Variants in CELF2 observed in about 807,000 individuals in gnomAD.
CELF2 encodes the protein CUG triplet repeat RNA-binding protein 2.
In CELF2, 8 loss-of-function variants were observed where a neutral mutation model predicts 62.6. The ratio of observed to expected loss-of-function variants is 0.13; its 90% CI spans 0.07 to 0.23. The LOEUF is 0.23. CELF2 is among the 10% of genes least tolerant of loss of function. The pLI, the probability that CELF2 is intolerant of heterozygous loss-of-function variation, is 1.00. For synonymous variants in CELF2, 258 were observed against 250.0 expected (o/e 1.03, Z -0.30); for missense variants, 333 against 671.0 (o/e 0.50, Z 5.56).
rs2074562305 is a variant in CELF2 at position 11,243,304 on chromosome 10, G to A, written c.355-5849G>A. ...GTTTTTAAACAAATAGGGCTAAATA[G>A]AGACCAAGAAGTTAACCATGTACCT... On this transcript the variant is annotated intron_variant, in intron 3 of 12. Coordinates refer to ENST00000633077, the MANE Select transcript of CELF2 (RefSeq NM_001326342.2). The surrounding 1 kb of genome is among the most constrained non-coding windows in gnomAD (Gnocchi z 4.1). Among the ~76,000 whole-genome samples the A allele has an allele frequency of 1.3e-5, 2 of 149,152 alleles. No individual in the cohort carries two copies. Among genetic ancestry groups the A allele is most frequent in the African/African-American group, 5.0e-5 (2 of 40,184 alleles).
At chr10:10,843,897 C>T (rs934975220) in intron 1 of CELF2, among the ~76,000 whole-genome samples, 1 of 151,880 alleles carries the variant, frequency 6.6e-6, no homozygotes, top group African/African-American at 2.4e-5. Flanking sequence ...CTTAGAATTA[C>T]TAAGATTTTT....
In CELF2 at chr10:11,025,207, A is replaced by ACG. The variant is rs1554779113; in HGVS notation, c.74+7044_74+7045insCG. Reference sequence around the variant, plus strand: ...AATATGTGTGGGGGTATATACATATATGTGTGTGTGTGTGTGTGTGTGTGT... The same window carrying ACG: ...AATATGTGTGGGGGTATATACATATACGTGTGTGTGTGTGTGTGTGTGTGTGT... On this transcript the variant is annotated intron_variant, in intron 1 of 12. Transcript: ENST00000633077. Among the ~76,000 whole-genome samples, 117 of 141,248 alleles carry ACG rather than the reference A, an allele frequency of 8.3e-4. 2 individuals are homozygous for ACG. Among genetic ancestry groups the ACG allele is most frequent in the Non-Finnish European group, 1.5e-3 (100 of 65,500 alleles). 92.7% of individuals were successfully genotyped at this position (141,248 alleles called of 152,430 possible). A position where few individuals can be genotyped will look rare whatever the true frequency, so the allele number is the denominator to read the frequency against.
At chr10:10,801,807 T>TA (rs1319786299) in intron 1 of CELF2, among the ~76,000 whole-genome samples, 1 of 152,234 alleles carries the variant, frequency 6.6e-6, no homozygotes, top group Non-Finnish European at 1.5e-5. Context: ...GGCACAATTT[T>TA]AAAACCTGCT....
the CELF2 span, among the ~76,000 whole-genome samples, chr10:10,752,811 A>AAG: frequency 6.6e-6 from 1 of 150,794 alleles, no homozygotes; most frequent in Non-Finnish European, 1.5e-5. Context: ...GTAAAAAAAA[A>AAG]AAAAAAAAAA....
At chr10:10,533,276 T>C in the CELF2 span, among the ~76,000 whole-genome samples, 1 of 152,232 alleles carries the variant, frequency 6.6e-6, no homozygotes. Flanking sequence ...GAGTTTGTTT[T>C]GTCTTTTAAT....
At chr10:10,710,422 C>A in the CELF2 span, among the ~76,000 whole-genome samples, 1 of 152,104 alleles carries the variant, frequency 6.6e-6, no homozygotes, top group Non-Finnish European at 1.5e-5. Context: ...TACAGGGAAA[C>A]CAGAAGCAGT....
the CELF2 span, among the ~76,000 whole-genome samples, chr10:10,677,033 A>T: frequency 6.6e-6 from 1 of 152,220 alleles, no homozygotes; most frequent in Non-Finnish European, 1.5e-5. Flanking sequence ...ATATGGTCCA[A>T]AAAAGCAGAC....
At chr10:10,876,526 G>A (rs1393805540) in intron 1 of CELF2, among the ~76,000 whole-genome samples, 3 of 152,156 alleles carry the variant, frequency 2.0e-5, no homozygotes, top group Non-Finnish European at 4.4e-5. Flanking sequence ...TTGGACAAGC[G>A]TGTCTTCTAA....
At chr10:10,493,892 G>T in the CELF2 span, among the ~76,000 whole-genome samples, 1 of 152,136 alleles carries the variant, frequency 6.6e-6, no homozygotes, top group Non-Finnish European at 1.5e-5. Flanking sequence ...TTTGAGTCTG[G>T]ATCATAATGT....
At chr10:10,837,944 C>A (rs2058416601) in intron 1 of CELF2, among the ~76,000 whole-genome samples, 1 of 152,196 alleles carries the variant, frequency 6.6e-6, no homozygotes, top group Non-Finnish European at 1.5e-5. Flanking sequence ...ATATTTATCA[C>A]AATTAATGAA....
At chr10:11,063,710 C>T (rs1474802938) in intron 1 of CELF2, among the ~76,000 whole-genome samples, 2 of 152,100 alleles carry the variant, frequency 1.3e-5, no homozygotes, top group African/African-American at 4.8e-5. Flanking sequence ...GATAAGACAT[C>T]GTGTAAAAAT....
In CELF2 at chr10:11,165,153, C is replaced by A; in HGVS notation, c.75-333C>A. The A allele has an allele frequency of 9.2e-7, 1 of 1,092,072 alleles. No homozygotes were observed. Among genetic ancestry groups the A allele is most frequent in the Non-Finnish European group, 1.1e-6 (1 of 895,286 alleles). The allele number at this position is 1,092,072 out of a possible 1,614,324, so 67.6% of individuals were successfully genotyped here. ...TGATAAGGCGCTGATGCGTTGATGG[C>A]AGCCTTGCAGAGCTAGACCTGCACT... On this transcript the variant is annotated intron_variant, in intron 1 of 12. Coordinates refer to ENST00000633077, the MANE Select transcript of CELF2 (RefSeq NM_001326342.2). The surrounding 1 kb of genome is among the most constrained non-coding windows in gnomAD (Gnocchi z 7.4).
At chr10:10,917,195 C>T (rs566344194) in intron 1 of CELF2, among the ~76,000 whole-genome samples, 1 of 152,278 alleles carries the variant, frequency 6.6e-6, no homozygotes, top group Admixed American at 6.5e-5. Context: ...ACTTAAGCAG[C>T]TGGAGCCAAA....
chr10:11,013,449 C>A (rs750815183), upstream of CELF2, among the ~76,000 whole-genome samples: 6 of 152,142 alleles, frequency 3.9e-5, no homozygotes, highest in Non-Finnish European at 8.8e-5. The surrounding 1 kb of genome is among the most constrained non-coding windows in gnomAD (Gnocchi z 4.1). Flanking sequence ...AGTGGGGTCC[C>A]TCCTTTGCGA....
At chr10:10,854,723 A>T (rs2059601478) in intron 1 of CELF2, among the ~76,000 whole-genome samples, 2 of 151,978 alleles carry the variant, frequency 1.3e-5, no homozygotes, top group South Asian at 4.2e-4. Flanking sequence ...GCAATTTAAA[A>T]TTCTCACCCC....
At chr10:10,978,733 G>A (rs1289482564) in intron 2 of CELF2, among the ~76,000 whole-genome samples, 1 of 152,188 alleles carries the variant, frequency 6.6e-6, no homozygotes, top group African/African-American at 2.4e-5. Context: ...CGATTATATG[G>A]TAGGCCAATA....
chr10:11,161,603 G>A (rs2065749902), intron 1 of CELF2, among the ~76,000 whole-genome samples: 2 of 152,220 alleles, frequency 1.3e-5, no homozygotes, highest in Admixed American at 1.3e-4. Context: ...GAAGAGTATT[G>A]TATATCAAGT....
intron 8 of CELF2, among the ~76,000 whole-genome samples, chr10:11,281,952 G>A (rs1387361988): frequency 6.6e-6 from 1 of 152,138 alleles, no homozygotes; most frequent in Non-Finnish European, 1.5e-5. Context: ...GCAGGGAGCG[G>A]CACTTCATGG....
In CELF2 at chr10:11,244,643, A is replaced by T. The variant is rs2075052371; in HGVS notation, c.355-4510A>T. On this transcript the variant is annotated intron_variant, in intron 3 of 12. Transcript: ENST00000633077. The surrounding 1 kb of genome is among the most constrained non-coding windows in gnomAD (Gnocchi z 4.2). ...GCACTCCATCCAGCCTAGGTGACAGAGCAAGACTCCGTCTCAAAAAAAAAA... is the reference window on the plus strand; with the variant it reads ...GCACTCCATCCAGCCTAGGTGACAGTGCAAGACTCCGTCTCAAAAAAAAAA... Among the ~76,000 whole-genome samples the T allele has an allele frequency of 2.1e-5, 3 of 141,946 alleles. No individual in the cohort carries two copies. The highest frequency in any genetic ancestry group is 3.1e-5 in the Non-Finnish European group (2 of 65,516). The allele number at this position is 141,946 out of a possible 152,430, so 93.1% of individuals were successfully genotyped here.
Sources: allele counts gnomAD v4.1 joint callset (sites outside exome capture counted in the v4.1 genomes callset), GRCh38; gene constraint gnomAD v4.1.1; non-coding constraint Gnocchi (gnomAD v3.1); transcripts MANE v1.5; gene names NCBI Gene and HGNC (gene_info 2026-07-23, HGNC 2026-07-21).